POU6F2: variants seen among roughly 807,000 people sequenced by gnomAD.
POU6F2 encodes the protein POU domain, class 6, transcription factor 2.
A neutral mutation model predicts 71.3 loss-of-function variants in POU6F2; 31 were observed. The ratio of observed to expected loss-of-function variants is 0.43; its 90% CI spans 0.33 to 0.59. The LOEUF is 0.59. POU6F2 is among the 20% of genes least tolerant of loss of function. POU6F2 has a pLI of 0.04. For synonymous variants in POU6F2, 347 were observed against 355.7 expected (o/e 0.98, Z 0.27); for missense variants, 783 against 856.8 (o/e 0.91, Z 1.07).
At chr7:39,382,542 G>C (rs1057091989) in intron 5 of POU6F2, among the ~76,000 whole-genome samples, 23 of 152,222 alleles carry the variant, frequency 1.5e-4, no homozygotes, top group African/African-American at 5.5e-4. Flanking sequence ...GAATTCATGT[G>C]GTGGGCCCAC....
intron 5 of POU6F2, among the ~76,000 whole-genome samples, chr7:39,348,019 A>G (rs923722362): frequency 6.9e-6 from 1 of 144,414 alleles, no homozygotes; most frequent in African/African-American, 2.5e-5. Flanking sequence ...GGGAAATAAC[A>G]TATTGTGTAG....
chr7:39,268,700 G>A (rs1784293568), intron 4 of POU6F2, among the ~76,000 whole-genome samples: 1 of 152,202 alleles, frequency 6.6e-6, no homozygotes, highest in Non-Finnish European at 1.5e-5. Context: ...CTATGATGAT[G>A]TGAGCAGAGA....
intron 6 of POU6F2, among the ~76,000 whole-genome samples, chr7:39,429,146 C>A (rs1189919274): frequency 6.6e-6 from 1 of 151,614 alleles, no homozygotes; most frequent in Non-Finnish European, 1.5e-5. Flanking sequence ...CTCATCGGAA[C>A]CCCTTGGCTG....
In POU6F2 at chr7:39,204,266, A is replaced by C. The variant is rs199994299; in HGVS notation, c.309A>C (p.Pro103=). 1.9e-6 allele frequency: 3 copies of C among 1,613,866 alleles called. No homozygotes were observed. In the East Asian group the frequency reaches 6.7e-5, roughly 36 times the overall value. The change falls in exon 3 of 10, where the codon CCA becomes CCC. Residue 103 remains proline, a synonymous_variant. Transcript: ENST00000518318. The part of the protein sequence containing the change: ...GARGNPALSD[P]GTPDQHQASQ... ...GAGGAAACCCAGCATTATCAGACCC[A>C]GGCACTCCTGACCAACACCAGGCCA...
At chr7:39,074,481 C>T (rs911932472) in intron 1 of POU6F2, among the ~76,000 whole-genome samples, 1 of 150,640 alleles carries the variant, frequency 6.6e-6, no homozygotes, top group Non-Finnish European at 1.5e-5. Context: ...CTTGTCCCCC[C>T]CTCAAAAAAA....
At chr7:39,422,816 T>C (rs1053507526) in intron 6 of POU6F2, among the ~76,000 whole-genome samples, 2 of 152,208 alleles carry the variant, frequency 1.3e-5, no homozygotes, top group Non-Finnish European at 2.9e-5. Context: ...GATTGTTACC[T>C]GACTTACGTA....
At chr7:39,127,860 T>TG (rs1792173129) in intron 2 of POU6F2, among the ~76,000 whole-genome samples, 1 of 147,078 alleles carries the variant, frequency 6.8e-6, no homozygotes, top group African/African-American at 2.6e-5. Flanking sequence ...TTTTTTTTTT[T>TG]GAGACGGAGT....
At chr7:39,147,200 A>C (rs192335081) in intron 2 of POU6F2, among the ~76,000 whole-genome samples, 13 of 152,330 alleles carry the variant, frequency 8.5e-5, no homozygotes, top group African/African-American at 2.9e-4. Context: ...CTTAGGTTGT[A>C]TATTCGGTTG....
At chr7:39,118,058 T>C (rs1219392713) in intron 2 of POU6F2, among the ~76,000 whole-genome samples, 1 of 152,124 alleles carries the variant, frequency 6.6e-6, no homozygotes, top group Non-Finnish European at 1.5e-5. Flanking sequence ...TAGCCATCCT[T>C]AGACTCTTAT....
At chr7:39,190,060 A>AT (rs1017682394) in intron 2 of POU6F2, among the ~76,000 whole-genome samples, 12 of 151,818 alleles carry the variant, frequency 7.9e-5, no homozygotes, top group African/African-American at 2.7e-4. Flanking sequence ...TGCCTGACTA[A>AT]TTTTTTTGTG....
rs1321376526 is a variant in POU6F2 at position 39,339,085 on chromosome 7, A to ATTTT, written c.599-557_599-556insTTTT. On this transcript the variant is annotated intron_variant, in intron 4 of 9. Coordinates refer to ENST00000518318, the MANE Select transcript of POU6F2 (RefSeq NM_001370959.1). The stretch of plus-strand genomic sequence containing the variant: ...GCATGTACTGCTTTTGAATTTTTAA[A>ATTTT]AAAAAAAAAAAACAGTTAGAAATTT... Among the ~76,000 whole-genome samples the ATTTT allele has an allele frequency of 4.7e-3, 714 of 151,354 alleles. 7 individuals carry two copies. Among genetic ancestry groups the ATTTT allele is most frequent in the African/African-American group, 0.016 (656 of 40,942 alleles).
chr7:39,333,374 A>G (rs1360565495), intron 4 of POU6F2, among the ~76,000 whole-genome samples: 11 of 152,112 alleles, frequency 7.2e-5, no homozygotes, highest in Admixed American at 3.9e-4. Flanking sequence ...CCAGATGTCT[A>G]TTTCTTTTCT....
At chr7:39,068,640 T>G (rs1790811236) in intron 1 of POU6F2, among the ~76,000 whole-genome samples, 1 of 152,062 alleles carries the variant, frequency 6.6e-6, no homozygotes, top group Admixed American at 6.6e-5. Context: ...GTCTGAAATA[T>G]AAAGAATATG....
At chr7:39,441,416 T>C (rs2876837) in intron 7 of POU6F2, among the ~76,000 whole-genome samples, 51,014 of 151,410 alleles carry the variant, frequency 0.34, 9,597 homozygotes, top group East Asian at 0.58. Context: ...CTGAAAACAA[T>C]TGAGACACCA....
chr7:39,193,150 T>C (rs1223974979), intron 2 of POU6F2, among the ~76,000 whole-genome samples: 1 of 152,194 alleles, frequency 6.6e-6, no homozygotes, highest in Non-Finnish European at 1.5e-5. Flanking sequence ...CACACTTGAC[T>C]ATGGAGACCC....
intron 2 of POU6F2, among the ~76,000 whole-genome samples, chr7:39,174,262 C>G (rs1308771289): frequency 6.6e-6 from 1 of 152,184 alleles, no homozygotes; most frequent in African/African-American, 2.4e-5. Context: ...GACCAACAGG[C>G]AGGCTGTCTT....
At chr7:39,340,052 A>C in intron 5 of POU6F2, 37 bp downstream of exon 5, 1 of 1,554,328 alleles carries the variant, frequency 6.4e-7, no homozygotes, top group Non-Finnish European at 8.7e-7. Context: ...CCCTAGGAGC[A>C]CCAAGGACCT....
At chr7:38,983,388 C>T (rs1469582050) in intron 1 of POU6F2, among the ~76,000 whole-genome samples, 1 of 114,262 alleles carries the variant, frequency 8.8e-6, no homozygotes, top group African/African-American at 2.9e-5. Flanking sequence ...TCCTGCCTCC[C>T]TCCTTTCTTT....
intron 5 of POU6F2, among the ~76,000 whole-genome samples, chr7:39,386,117 C>CAAAAAA (rs531818996): frequency 1.1e-5 from 1 of 91,304 alleles, no homozygotes; most frequent in Non-Finnish European, 2.3e-5. Flanking sequence ...GACTCCGTCT[C>CAAAAAA]AAAAAAAAAA....
Sources: gnomAD v4.1 joint callset for allele counts (sites outside exome capture counted in the v4.1 genomes callset) on GRCh38, gnomAD v4.1.1 for gene constraint, MANE v1.5 for transcripts, NCBI Gene and HGNC (gene_info 2026-07-23, HGNC 2026-07-21) for gene names.